ADD2: variants seen among roughly 807,000 people sequenced by gnomAD.
ADD2 encodes the protein beta-adducin.
Under a neutral mutation model 83.0 loss-of-function variants are expected in ADD2, and 23 were observed. The observed-to-expected ratio is 0.28, with a 90% confidence interval of 0.20 to 0.39. ADD2 has a LOEUF of 0.39. Ranked by LOEUF, ADD2 falls within the 10% of genes least tolerant of loss-of-function variation. The pLI is 1.00. For synonymous variants in ADD2, 375 were observed against 375.4 expected (o/e 1.00, Z 0.01); for missense variants, 758 against 944.9 (o/e 0.80, Z 2.59).
At chr2:70,678,535 G>A (rs1367692770) in intron 11 of ADD2, among the ~76,000 whole-genome samples, 169 bp downstream of exon 11, 1 of 152,216 alleles carries the variant, frequency 6.6e-6, no homozygotes, top group Non-Finnish European at 1.5e-5. Flanking sequence ...AAGTGGTCAG[G>A]GGCTCAGTGG....
intron 2 of ADD2, among the ~76,000 whole-genome samples, chr2:70,709,619 C>G (rs1672074684): frequency 6.6e-6 from 1 of 152,166 alleles, no homozygotes; most frequent in South Asian, 2.1e-4. Flanking sequence ...CAAATGACCT[C>G]TGGGGTCCCT....
At chr2:70,715,768 C>T (rs1421300742) in intron 1 of ADD2, among the ~76,000 whole-genome samples, 1 of 151,924 alleles carries the variant, frequency 6.6e-6, no homozygotes, top group Non-Finnish European at 1.5e-5. Context: ...GCCCCCTCCT[C>T]TCTGCCCCCT....
At chr2:70,754,637 G>A (rs773910282) in intron 1 of ADD2, among the ~76,000 whole-genome samples, 3 of 151,942 alleles carry the variant, frequency 2.0e-5, no homozygotes, top group Admixed American at 6.6e-5. Context: ...TCCTGCCGAC[G>A]TTGACATCTA....
chr2:70,761,445 C>T (rs1675083261), intron 1 of ADD2, among the ~76,000 whole-genome samples: 1 of 151,398 alleles, frequency 6.6e-6, no homozygotes, highest in African/African-American at 2.4e-5. Context: ...CTGGTCTCTA[C>T]TAAAAATACA....
intron 6 of ADD2, among the ~76,000 whole-genome samples, chr2:70,694,720 A>G (rs1432281904): frequency 6.6e-6 from 1 of 152,100 alleles, no homozygotes; most frequent in African/African-American, 2.4e-5. Context: ...GGTTTCAGCT[A>G]GACGCCTCCT....
chr2:70,746,238 C>G (rs975122085), intron 1 of ADD2, among the ~76,000 whole-genome samples: 5 of 152,176 alleles, frequency 3.3e-5, no homozygotes, highest in Non-Finnish European at 5.9e-5. Flanking sequence ...AATTAATAGG[C>G]CTCTTCTATG....
intron 2 of ADD2, among the ~76,000 whole-genome samples, chr2:70,711,910 G>C (rs2104406451): frequency 6.6e-6 from 1 of 152,306 alleles, no homozygotes. Flanking sequence ...CCCCAGTTGT[G>C]GCTGGTGCCT....
Position 70,758,112 on chromosome 2 carries a change from A to G in ADD2, c.-154+9774T>C, listed in dbSNP as rs184230111. ...GGAACTGTGAGGGATCGACATCTTT[A>G]TAACATCGGTTCTTCCCATCTGGGA... On this transcript the variant is annotated intron_variant, in intron 1 of 15. Transcript: ENST00000264436. 4.6e-5 allele frequency among the ~76,000 whole-genome samples: 7 copies of G among 152,360 alleles called. No homozygotes were observed. The East Asian group carries it at 1.3e-3, about 29-fold the overall frequency.
At chr2:70,730,901 A>G (rs10175526) in intron 1 of ADD2, among the ~76,000 whole-genome samples, 22,439 of 152,274 alleles carry the variant, frequency 0.15, 1,766 homozygotes, top group East Asian at 0.29. Flanking sequence ...TAGGTGTGTA[A>G]CAGGCTAGGT....
At position 70,687,986 on chromosome 2, in the gene ADD2, C is replaced by A. The variant is rs782603097; in HGVS notation, c.948+38G>T. 11 of 1,548,350 alleles carry A rather than the reference C, an allele frequency of 7.1e-6. No homozygotes were observed. The South Asian group carries it at 1.2e-4, about 17-fold the overall frequency. On this transcript the variant is annotated intron_variant, in intron 9 of 15. Coordinates refer to ENST00000264436, the MANE Select transcript of ADD2 (RefSeq NM_001617.4). ...GTTTGCCCACAGGCCCCTGTCAGAG[C>A]CCACTCCTGGGCCCACTTTCCAGGA...
At chr2:70,674,852 C>T (rs537463338) in intron 13 of ADD2, 27 bp from the exon 14 acceptor site, 51 of 1,604,622 alleles carry the variant, frequency 3.2e-5, no homozygotes, top group African/African-American at 2.1e-4. Context: ...GAGGGTGTGT[C>T]GCTCTCTGAA....
At chr2:70,664,799 G>A (rs1247114085) in intron 15 of ADD2, among the ~76,000 whole-genome samples, 1 of 151,826 alleles carries the variant, frequency 6.6e-6, no homozygotes, top group African/African-American at 2.4e-5. Flanking sequence ...TGTGGTGTAA[G>A]TGTGTAAGTT....
chr2:70,658,412 C>T lies in ADD2; in HGVS notation c.*5013G>A, dbSNP rs1171640629. ...ATGTACGCTTTCTTATGTTATGGTGCAAGTGGAAATGTGCACAGATAACCA... is the reference window on the plus strand; with the variant it reads ...ATGTACGCTTTCTTATGTTATGGTGTAAGTGGAAATGTGCACAGATAACCA... On this transcript the variant is annotated 3_prime_UTR_variant, in exon 16 of 16. Transcript: ENST00000264436. 1 of 152,118 alleles carries T rather than the reference C, an allele frequency of 6.6e-6. No homozygotes were observed. Among genetic ancestry groups the T allele is most frequent in the Non-Finnish European group, 1.5e-5 (1 of 68,032 alleles). The allele number at this position is 152,118 out of a possible 1,614,324, so 9.4% of individuals were successfully genotyped here.
In ADD2 at chr2:70,672,767, C is replaced by G. The variant is rs1379499817; in HGVS notation, c.1870+111G>C. 4 of 1,267,758 alleles carry G rather than the reference C, an allele frequency of 3.2e-6. No individual in the cohort carries two copies. The East Asian group carries it at 1.0e-4, about 32-fold the overall frequency. The allele number at this position is 1,267,758 out of a possible 1,614,324, so 78.5% of individuals were successfully genotyped here. A position where few individuals can be genotyped will look rare whatever the true frequency, so the allele number is the denominator to read the frequency against. ...CCTATTTCTGATTTCCTAGAAATAG[C>G]AGAGGGGAAAGATTTTCAGATTAGG... On this transcript the variant is annotated intron_variant, in intron 15 of 15. Transcript: ENST00000264436.
intron 1 of ADD2, among the ~76,000 whole-genome samples, chr2:70,724,097 A>G (rs1270771242): frequency 6.6e-6 from 1 of 152,226 alleles, no homozygotes; most frequent in Non-Finnish European, 1.5e-5. Context: ...CACATGACAT[A>G]GGCCTTAAAA....
chr2:70,755,246 C>G (rs190446381), intron 1 of ADD2, among the ~76,000 whole-genome samples: 1 of 152,204 alleles, frequency 6.6e-6, no homozygotes, highest in East Asian at 1.9e-4. Flanking sequence ...ACTCCCTCTT[C>G]GCTCCACTCT....
At position 70,678,784 on chromosome 2, in the gene ADD2, T is replaced by C; in HGVS notation, c.1303A>G (p.Asn435Asp). ...ACCCGCAGGTAGGTGTTGGGCGTATTGAGCCAGCGGGTCTTCTCCTTCTGC... is the reference window on the plus strand; with the variant it reads ...ACCCGCAGGTAGGTGTTGGGCGTATCGAGCCAGCGGGTCTTCTCCTTCTGC... ...KQQKEKTRWL[N>D]TPNTYLRVNV... The change falls in exon 11 of 16, where the codon AAT (asparagine) becomes GAT (aspartate). Residue 435 changes from asparagine (N) to aspartate (D), a missense_variant. Physicochemically the swap from Asn to Asp is conservative, Grantham distance 23. Transcript: ENST00000264436. The C allele has an allele frequency of 3.1e-6, 5 of 1,613,850 alleles. No individual in the cohort carries two copies. The highest frequency in any genetic ancestry group is 4.2e-6 in the Non-Finnish European group (5 of 1,179,884).
intron 14 of ADD2, 141 bp from the exon 15 acceptor site, chr2:70,673,147 C>T (rs1669977984): frequency 1.3e-6 from 2 of 1,545,858 alleles, no homozygotes; most frequent in Admixed American, 1.7e-5. Context: ...CTGAAGTTAG[C>T]TCCTCCCCCT....
chr2:70,712,901 T>A (rs1004072302), intron 2 of ADD2, among the ~76,000 whole-genome samples, 165 bp downstream of exon 2: 4 of 152,104 alleles, frequency 2.6e-5, no homozygotes, highest in Non-Finnish European at 4.4e-5. Flanking sequence ...TCCTTCAGAT[T>A]CTATGGTAGG....
Sources: allele counts gnomAD v4.1 joint callset (sites outside exome capture counted in the v4.1 genomes callset), GRCh38; gene constraint gnomAD v4.1.1; transcripts MANE v1.5; gene names NCBI Gene and HGNC (gene_info 2026-07-23, HGNC 2026-07-21).